The following NTM variants were observed in gnomAD, a reference collection of about 807,000 sequenced individuals.
NTM encodes the protein neurotrimin.
Under a neutral mutation model 42.1 loss-of-function variants are expected in NTM, and 13 were observed. That is an observed-to-expected ratio of 0.31 (90% CI 0.20 to 0.49). The LOEUF (loss-of-function observed/expected upper bound fraction) is 0.49, where lower values mean the gene tolerates loss of function less well. NTM is among the 20% of genes least tolerant of loss of function. The pLI, the probability that NTM is intolerant of heterozygous loss-of-function variation, is 0.99. For synonymous variants in NTM, 187 were observed against 179.2 expected (o/e 1.04, Z -0.35); for missense variants, 373 against 452.8 (o/e 0.82, Z 1.60).
At chr11:132,189,095 G>T (rs1039939075) in intron 3 of NTM, among the ~76,000 whole-genome samples, 2 of 152,190 alleles carry the variant, frequency 1.3e-5, no homozygotes, top group Non-Finnish European at 2.9e-5. Flanking sequence ...ATGTTTGATA[G>T]TGTTGGGAAG....
At chr11:132,247,441 G>GTTGT (rs1279034607) in intron 4 of NTM, among the ~76,000 whole-genome samples, 2 of 152,210 alleles carry the variant, frequency 1.3e-5, no homozygotes, top group Admixed American at 1.3e-4. Flanking sequence ...AATCAGTGAG[G>GTTGT]AAATATATAC....
chr11:132,199,449 G>C (rs1195062465), intron 3 of NTM, among the ~76,000 whole-genome samples: 1 of 152,202 alleles, frequency 6.6e-6, no homozygotes, highest in Non-Finnish European at 1.5e-5. Context: ...AATGAACGCT[G>C]TTCAGTGGCG....
intron 4 of NTM, among the ~76,000 whole-genome samples, chr11:132,223,711 A>G (rs189213081): frequency 6.6e-6 from 1 of 152,366 alleles, no homozygotes; most frequent in African/African-American, 2.4e-5. Flanking sequence ...AATAAAATAA[A>G]CATGAGTTTA....
chr11:131,398,284 T>A (rs186760456), intron 1 of NTM, among the ~76,000 whole-genome samples: 1 of 152,336 alleles, frequency 6.6e-6, no homozygotes, highest in Non-Finnish European at 1.5e-5. Flanking sequence ...CAGTTGATTA[T>A]TATTGATGTA....
intron 7 of NTM, chr11:132,317,597 A>C: frequency 1.0e-6 from 1 of 997,866 alleles, no homozygotes; most frequent in Non-Finnish European, 1.4e-6. Context: ...ATAGCACTGT[A>C]TATAATATAT....
chr11:131,901,275 G>C (rs1199160078), intron 1 of NTM, among the ~76,000 whole-genome samples: 7 of 152,190 alleles, frequency 4.6e-5, no homozygotes, highest in Admixed American at 3.9e-4. Context: ...ATTAACTCCA[G>C]CATTCATGCC....
chr11:132,326,225 A>G (rs747751462), intron 7 of NTM, among the ~76,000 whole-genome samples: 5 of 152,200 alleles, frequency 3.3e-5, no homozygotes, highest in African/African-American at 7.2e-5. Context: ...GAAGTGAGAG[A>G]GCCTAGAGCA....
chr11:131,684,418 C>T (rs1041908157), intron 1 of NTM, among the ~76,000 whole-genome samples: 1 of 152,238 alleles, frequency 6.6e-6, no homozygotes, highest in Admixed American at 6.5e-5. Context: ...GCCTGCTCCA[C>T]TCTGCCTGGA....
At chr11:131,389,542 G>A (rs1012187697) in intron 1 of NTM, among the ~76,000 whole-genome samples, 3 of 152,154 alleles carry the variant, frequency 2.0e-5, no homozygotes, top group African/African-American at 7.2e-5. Flanking sequence ...CTAGAGCCTC[G>A]GGAAGAACGT....
At chr11:131,638,254 A>G (rs1476164815) in intron 1 of NTM, among the ~76,000 whole-genome samples, 1 of 152,158 alleles carries the variant, frequency 6.6e-6, no homozygotes, top group East Asian at 1.9e-4. Flanking sequence ...AAAACTTTTA[A>G]AAACTTAATT....
chr11:131,515,377 A>T (rs2048767291), intron 1 of NTM, among the ~76,000 whole-genome samples: 1 of 152,214 alleles, frequency 6.6e-6, no homozygotes, highest in Non-Finnish European at 1.5e-5. Flanking sequence ...CTCGGAGCCC[A>T]GTCCTCTCCC....
At chr11:132,318,686 A>G (rs2095491637) in intron 7 of NTM, among the ~76,000 whole-genome samples, 1 of 152,196 alleles carries the variant, frequency 6.6e-6, no homozygotes, top group East Asian at 1.9e-4. Context: ...TGCTGACCAC[A>G]GCAGTAGCCT....
chr11:132,114,146 G>C (rs991528300), intron 2 of NTM, among the ~76,000 whole-genome samples: 1 of 152,156 alleles, frequency 6.6e-6, no homozygotes, highest in East Asian at 1.9e-4. Flanking sequence ...AAAAATAAAA[G>C]AGATGTAAAT....
intron 2 of NTM, among the ~76,000 whole-genome samples, chr11:131,972,715 T>A (rs1456034527): frequency 6.6e-6 from 1 of 152,204 alleles, no homozygotes; most frequent in East Asian, 1.9e-4. Flanking sequence ...TTGGTTTCCA[T>A]AAGGCTCTCA....
At chr11:132,001,159 T>A (rs1221430695) in intron 2 of NTM, among the ~76,000 whole-genome samples, 2 of 152,204 alleles carry the variant, frequency 1.3e-5, no homozygotes, top group East Asian at 3.9e-4. Flanking sequence ...AGCGGCATTG[T>A]ATGATTCCAT....
intron 1 of NTM, among the ~76,000 whole-genome samples, chr11:131,904,863 G>A (rs556053495): frequency 2.0e-5 from 3 of 152,256 alleles, no homozygotes; most frequent in Admixed American, 6.5e-5. Context: ...GGGGGGCCAC[G>A]GCTCTTCCTG....
At chr11:131,528,042 G>A (rs1591945924) in intron 1 of NTM, among the ~76,000 whole-genome samples, 1 of 152,146 alleles carries the variant, frequency 6.6e-6, no homozygotes, top group Non-Finnish European at 1.5e-5. Flanking sequence ...ATGCTCAACT[G>A]GTATAATGCA....
chr11:131,745,543 C>T (rs1274997011), intron 1 of NTM, among the ~76,000 whole-genome samples: 6 of 152,122 alleles, frequency 3.9e-5, no homozygotes, highest in African/African-American at 1.2e-4. Flanking sequence ...CCTTGGTTTC[C>T]GAATTACTAG....
intron 1 of NTM, among the ~76,000 whole-genome samples, chr11:131,889,608 G>A (rs2050947250): frequency 6.6e-6 from 1 of 152,162 alleles, no homozygotes; most frequent in Non-Finnish European, 1.5e-5. Flanking sequence ...CTTCCACAAG[G>A]TTCTAAACAA....
Sources: gnomAD v4.1 joint callset for allele counts (sites outside exome capture counted in the v4.1 genomes callset) on GRCh38, gnomAD v4.1.1 for gene constraint, MANE v1.5 for transcripts, NCBI Gene and HGNC (gene_info 2026-07-23, HGNC 2026-07-21) for gene names.